PC: variants seen among roughly 807,000 people sequenced by gnomAD.
PC encodes pyruvate carboxylase.
In PC, 46 loss-of-function variants were observed where a neutral mutation model predicts 107.8. That is an observed-to-expected ratio of 0.43 (90% CI 0.34 to 0.55). The LOEUF is 0.55. Ranked by LOEUF, PC falls within the 20% of genes least tolerant of loss-of-function variation. PC has a pLI of 0.04. For synonymous variants in PC, 662 were observed against 684.7 expected (o/e 0.97, Z 0.52); for missense variants, 1,241 against 1,643.1 (o/e 0.76, Z 4.23).
At chr11:66,883,326 G>A (rs1463798653) in intron 3 of PC, among the ~76,000 whole-genome samples, 1 of 152,182 alleles carries the variant, frequency 6.6e-6, no homozygotes, top group Non-Finnish European at 1.5e-5. Context: ...AGAATTTCAG[G>A]GCCAACACTG....
chr11:66,901,459 A>T (rs960095854), intron 3 of PC, among the ~76,000 whole-genome samples: 1 of 151,992 alleles, frequency 6.6e-6, no homozygotes, highest in African/African-American at 2.4e-5. Flanking sequence ...TGGTGTTTGC[A>T]GGAAAGGCTA....
rs937057385 is a variant in PC at position 66,955,774 on chromosome 11, T to G, written c.-227-1338A>C. 2.6e-5 allele frequency among the ~76,000 whole-genome samples: 4 copies of G among 151,886 alleles called. No homozygotes were observed. The East Asian group carries it at 7.8e-4, about 29-fold the overall frequency. The stretch of plus-strand genomic sequence containing the variant: ...GAGCCCTGTCTGCCTTTTGGGCTTT[T>G]TTTTTTCTTTTTTTTTGACAGGGAG... On this transcript the variant is annotated intron_variant, in intron 1 of 22. Coordinates refer to ENST00000393960, the MANE Select transcript of PC (RefSeq NM_001040716.2).
rs933464626 is a variant in PC, at chr11:66,870,551, C to T, written c.752-98G>A. ...CATAACCACTGTCGCCAGTCAGTGC[C>T]GGCTGCCAGCGGTACAGAGGCTGCC... On this transcript the variant is annotated intron_variant, in intron 8 of 22. Coordinates refer to ENST00000393960, the MANE Select transcript of PC (RefSeq NM_001040716.2). The surrounding 1 kb of genome is among the most constrained non-coding windows in gnomAD (Gnocchi z 6.1). 47 of 1,382,732 alleles carry T rather than the reference C, an allele frequency of 3.4e-5. 1 individual carries two copies. Among genetic ancestry groups the T allele is most frequent in the Admixed American group, 2.0e-4 (11 of 55,530 alleles). 85.7% of individuals were successfully genotyped at this position (1,382,732 alleles called of 1,614,324 possible).
intron 12 of PC, among the ~76,000 whole-genome samples, chr11:66,862,381 A>G (rs1946305373): frequency 6.6e-6 from 1 of 152,238 alleles, no homozygotes; most frequent in Admixed American, 6.5e-5. Context: ...CCAAGCAGCC[A>G]TGTGGACATG....
chr11:66,902,223 G>A (rs1410061161), intron 3 of PC, among the ~76,000 whole-genome samples: 3 of 152,170 alleles, frequency 2.0e-5, no homozygotes, highest in Non-Finnish European at 4.4e-5. Context: ...CCCATGATCT[G>A]ACCTTTCATC....
chr11:66,936,619 T>C (rs1379226076), intron 3 of PC, among the ~76,000 whole-genome samples: 1 of 152,130 alleles, frequency 6.6e-6, no homozygotes, highest in Non-Finnish European at 1.5e-5. Context: ...TTTAAGGCAA[T>C]ATGGTATGAA....
At chr11:66,929,768 T>C (rs1225703387) in intron 3 of PC, among the ~76,000 whole-genome samples, 1 of 152,128 alleles carries the variant, frequency 6.6e-6, no homozygotes, top group Non-Finnish European at 1.5e-5. Flanking sequence ...CTTTCCACCT[T>C]GTCCTCCCAA....
intron 3 of PC, among the ~76,000 whole-genome samples, chr11:66,904,265 T>C (rs976359930): frequency 2.1e-4 from 32 of 151,942 alleles, no homozygotes; most frequent in African/African-American, 7.0e-4. Context: ...CTTGAAGGAA[T>C]GATTTCTGGT....
At chr11:66,932,477 A>G (rs1948882923) in intron 3 of PC, among the ~76,000 whole-genome samples, 1 of 152,062 alleles carries the variant, frequency 6.6e-6, no homozygotes, top group Non-Finnish European at 1.5e-5. Flanking sequence ...CCTTGGTTGG[A>G]CTCTGTCAAT....
Position 66,860,405 on chromosome 11 carries a change from C to T in PC, c.1368+3369G>A, listed in dbSNP as rs527436193. 384 of 745,842 alleles carry T rather than the reference C, an allele frequency of 5.1e-4. No individual in the cohort carries two copies. The African/African-American group carries it at 6.0e-3, about 12-fold the overall frequency. 46.2% of individuals were successfully genotyped at this position (745,842 alleles called of 1,614,324 possible). On this transcript the variant is annotated intron_variant, in intron 12 of 22. Coordinates refer to ENST00000393960, the MANE Select transcript of PC (RefSeq NM_001040716.2). Reference sequence around the variant, plus strand: ...CCCTCCAACAGGTGCTCACAGCCACCGAGGCAGGGGCTGCAGCCACCCACT... The same window carrying T: ...CCCTCCAACAGGTGCTCACAGCCACTGAGGCAGGGGCTGCAGCCACCCACT...
chr11:66,851,959 C>T lies in PC; in HGVS notation c.1826-13G>A, dbSNP rs367949094. 3.7e-6 allele frequency: 6 copies of T among 1,613,378 alleles called. No individual in the cohort carries two copies. Among genetic ancestry groups the T allele is most frequent in the East Asian group, 2.2e-5 (1 of 44,870 alleles). On this transcript the variant is annotated splice_polypyrimidine_tract_variant and intron_variant, in intron 15 of 22. Coordinates refer to ENST00000393960, the MANE Select transcript of PC (RefSeq NM_001040716.2). ...TCAAACGTGGCTCCTGCACAGGAAC[C>T]GAGAGGCCCAGATCAGCTCTGCATG...
chr11:66,910,709 T>C (rs1235682826), intron 3 of PC, among the ~76,000 whole-genome samples: 1 of 152,206 alleles, frequency 6.6e-6, no homozygotes, highest in Non-Finnish European at 1.5e-5. Context: ...CTACTGTCCA[T>C]GACCCCTAGA....
chr11:66,918,520 G>A (rs1048018506), intron 3 of PC, among the ~76,000 whole-genome samples: 4 of 151,668 alleles, frequency 2.6e-5, no homozygotes, highest in Non-Finnish European at 5.9e-5. Flanking sequence ...TTACATGCAC[G>A]CGCCACCAAG....
chr11:66,884,444 G>T (rs762602659), intron 3 of PC, among the ~76,000 whole-genome samples: 3 of 151,912 alleles, frequency 2.0e-5, no homozygotes, highest in Non-Finnish European at 4.4e-5. Context: ...TAAAAAAAAA[G>T]ATTTACCTAG....
intron 3 of PC, among the ~76,000 whole-genome samples, chr11:66,941,239 G>A (rs950893214): frequency 1.3e-5 from 2 of 152,140 alleles, no homozygotes; most frequent in African/African-American, 4.8e-5. Context: ...CTCATGCACT[G>A]TTAATGGAAA....
intron 12 of PC, among the ~76,000 whole-genome samples, chr11:66,856,226 G>C (rs1254932477): frequency 6.6e-6 from 1 of 152,272 alleles, no homozygotes; most frequent in East Asian, 1.9e-4. Context: ...CGACAGAGCG[G>C]GAGGGAGGGG....
In PC at chr11:66,949,003, TA is replaced by T. The variant is rs1490279778; in HGVS notation, c.-1+3426del. Among the ~76,000 whole-genome samples the T allele has an allele frequency of 4.0e-5, 6 of 151,750 alleles. No homozygotes were observed. In the East Asian group the frequency reaches 1.2e-3, roughly 29 times the overall value. On this transcript the variant is annotated intron_variant, in intron 3 of 22. Coordinates refer to ENST00000393960, the MANE Select transcript of PC (RefSeq NM_001040716.2). ...TATTATTATTATTTATTATTATTAT[TA>T]TTTTTTTGAGATGGAGTCTTGCTGT...
chr11:66,937,303 T>G (rs146342448), intron 3 of PC, among the ~76,000 whole-genome samples: 19 of 152,354 alleles, frequency 1.2e-4, no homozygotes, highest in Admixed American at 3.3e-4. Context: ...TTCATCCCAC[T>G]ATCTCCTGGC....
chr11:66,863,170 C>T (rs769812719), intron 12 of PC, among the ~76,000 whole-genome samples: 2 of 151,984 alleles, frequency 1.3e-5, no homozygotes, highest in Non-Finnish European at 2.9e-5. Flanking sequence ...GATAAAACCC[C>T]GTCTACTAAA....
Sources: gnomAD v4.1 joint callset for allele counts (sites outside exome capture counted in the v4.1 genomes callset) on GRCh38, gnomAD v4.1.1 for gene constraint, Gnocchi (gnomAD v3.1) non-coding constraint, MANE v1.5 for transcripts, NCBI Gene and HGNC (gene_info 2026-07-23, HGNC 2026-07-21) for gene names.